FERMT1: variants seen among roughly 807,000 people sequenced by gnomAD.
FERMT1 encodes the protein fermitin family homolog 1.
In FERMT1, 60 loss-of-function variants were observed where a neutral mutation model predicts 85.3. That is an observed-to-expected ratio of 0.70 (90% CI 0.57 to 0.87). The LOEUF is 0.87. Among genes scored for constraint, FERMT1 ranks in the 40% least tolerant of loss-of-function variants. FERMT1 has a pLI of 0.00. For missense variants in FERMT1, 701 were observed against 818.9 expected (o/e 0.86, Z 1.76); for synonymous variants, 275 against 301.1 (o/e 0.91, Z 0.90).
At chr20:6,118,662 G>T (rs901285119) in intron 2 of FERMT1, among the ~76,000 whole-genome samples, 1 of 152,224 alleles carries the variant, frequency 6.6e-6, no homozygotes, top group African/African-American at 2.4e-5. Flanking sequence ...TAAATTCTAG[G>T]TTGATAATGT....
intron 4 of FERMT1, among the ~76,000 whole-genome samples, chr20:6,111,868 CTTT>C (rs11338566): frequency 3.5e-5 from 5 of 142,694 alleles, no homozygotes; most frequent in Non-Finnish European, 3.1e-5. Context: ...TTTTTCTTTT[CTTT>C]TTTTTTTTTT....
At chr20:6,109,934 C>A (rs1982899882) in intron 5 of FERMT1, among the ~76,000 whole-genome samples, 1 of 150,244 alleles carries the variant, frequency 6.7e-6, no homozygotes, top group Non-Finnish European at 1.5e-5. Flanking sequence ...GAGTGACATT[C>A]TACAAAAGAC....
intron 8 of FERMT1, 36 bp from the exon 9 acceptor site, chr20:6,095,024 C>A (rs186734728): frequency 1.5e-5 from 18 of 1,213,650 alleles, no homozygotes; most frequent in Admixed American, 5.0e-5. Context: ...AAAGCAGGAA[C>A]TTCATAAGTG....
At chr20:6,110,191 A>G in intron 5 of FERMT1, 107 bp downstream of exon 5, 3 of 989,384 alleles carry the variant, frequency 3.0e-6, no homozygotes, top group Non-Finnish European at 4.7e-6. Flanking sequence ...ACTTTTGCAA[A>G]TAAAGCACAA....
chr20:6,098,211 AATAG>A (rs1311418397), intron 6 of FERMT1, among the ~76,000 whole-genome samples: 10 of 152,234 alleles, frequency 6.6e-5, no homozygotes, highest in Admixed American at 3.9e-4. Context: ...TATTGGTAGT[AATAG>A]ATAGTAAAAA....
At chr20:6,096,782 C>A in intron 8 of FERMT1, 120 bp downstream of exon 8, 1 of 533,694 alleles carries the variant, frequency 1.9e-6, no homozygotes, top group Non-Finnish European at 3.1e-6. Context: ...TGAAGAGCAT[C>A]TTTTTTTTTT....
chr20:6,098,418 C>G (rs1047024410), intron 6 of FERMT1, among the ~76,000 whole-genome samples: 27 of 151,990 alleles, frequency 1.8e-4, no homozygotes, highest in Admixed American at 9.2e-4. Flanking sequence ...TGAAAAAGAA[C>G]AATGTTGAGT....
At chr20:6,082,024 G>T (rs1982010989) in intron 13 of FERMT1, among the ~76,000 whole-genome samples, 1 of 152,050 alleles carries the variant, frequency 6.6e-6, no homozygotes, top group Non-Finnish European at 1.5e-5. Flanking sequence ...TAGGTCTCTC[G>T]GGTGTGGGCA....
Position 6,112,637 on chromosome 20 carries a change from T to G in FERMT1, c.386-14A>C. On this transcript the variant is annotated splice_polypyrimidine_tract_variant and intron_variant, in intron 3 of 14. Coordinates refer to ENST00000217289, the MANE Select transcript of FERMT1 (RefSeq NM_017671.5). ...ATCTTCTAATATCTAGAAATAAATA[T>G]TTTTTAAAAATGAAGAAAAAGTAAA... is the stretch of plus-strand genomic sequence containing the variant. 4 of 1,497,838 alleles carry G rather than the reference T, an allele frequency of 2.7e-6. No homozygotes were observed. Among genetic ancestry groups the G allele is most frequent in the Non-Finnish European group, 3.6e-6 (4 of 1,111,246 alleles). 92.8% of individuals were successfully genotyped at this position (1,497,838 alleles called of 1,614,324 possible). A position where few individuals can be genotyped will look rare whatever the true frequency, so the allele number is the denominator to read the frequency against.
rs550252614 is a variant in FERMT1, at chr20:6,094,788, C to G, written c.1139+151G>C. On this transcript the variant is annotated intron_variant, in intron 9 of 14. Transcript: ENST00000217289. ...CTAGCTGGTGTGTGTGGTAGAGCTA[C>G]GACTCAACCCATTGTTTGTCTGATG... 25 of 662,966 alleles carry G rather than the reference C, an allele frequency of 3.8e-5. No homozygotes were observed. The South Asian group carries it at 4.0e-4, about 11-fold the overall frequency. 41.1% of individuals were successfully genotyped at this position (662,966 alleles called of 1,614,324 possible).
At position 6,109,421 on chromosome 20, in the gene FERMT1, T is replaced by TG. The variant is rs1982884713; in HGVS notation, c.746+876dup. ...CAGGCGGCACGGGGCCATGGGAGCA[T>TG]GGGAGGACACGGAGACACCTGTTGG... On this transcript the variant is annotated intron_variant, in intron 5 of 14. Coordinates refer to ENST00000217289, the MANE Select transcript of FERMT1 (RefSeq NM_017671.5). 2.0e-5 allele frequency among the ~76,000 whole-genome samples: 3 copies of TG among 152,150 alleles called. No homozygotes were observed. The South Asian group carries it at 6.2e-4, about 32-fold the overall frequency.
Position 6,115,903 on chromosome 20 carries a change from C to A in FERMT1, c.293G>T (p.Arg98Leu), listed in dbSNP as rs137862671. The change falls in exon 3 of 15, where the codon CGC (arginine) becomes CTC (leucine). Residue 98 changes from arginine (R) to leucine (L), a missense_variant. Coordinates refer to ENST00000217289, the MANE Select transcript of FERMT1 (RefSeq NM_017671.5). Reference sequence around the variant, plus strand: ...CATCTTCAAATTCGGCAGACGAAGGCGCAGCATTTTATGCTGAGGGGTGAA... The same window carrying A: ...CATCTTCAAATTCGGCAGACGAAGGAGCAGCATTTTATGCTGAGGGGTGAA... ...LLFTPQHKMLRLRLPNLKMVR... is the reference protein window; with the variant it reads ...LLFTPQHKMLLLRLPNLKMVR... The A allele has an allele frequency of 6.2e-7, 1 of 1,614,142 alleles. No individual in the cohort carries two copies. Among genetic ancestry groups the A allele is most frequent in the African/African-American group, 1.3e-5 (1 of 75,026 alleles).
Position 6,095,087 on chromosome 20 carries a change from C to T in FERMT1, c.1090-99G>A, listed in dbSNP as rs541055191. 84 of 726,568 alleles carry T rather than the reference C, an allele frequency of 1.2e-4. No homozygotes were observed. In the South Asian group the frequency reaches 1.2e-3, roughly 11 times the overall value. The allele number at this position is 726,568 out of a possible 1,614,324, so 45.0% of individuals were successfully genotyped here. The stretch of plus-strand genomic sequence containing the variant: ...ATATGGCAGTCCCTTGCTATATGTG[C>T]CTATTTAAATTTGAATTAATTCAAA... On this transcript the variant is annotated intron_variant, in intron 8 of 14. Transcript: ENST00000217289.
At chr20:6,103,201 A>G (rs2123128565) in intron 6 of FERMT1, among the ~76,000 whole-genome samples, 1 of 152,318 alleles carries the variant, frequency 6.6e-6, no homozygotes, top group East Asian at 1.9e-4. Flanking sequence ...TAGTTTCTCT[A>G]TGGGCTGTTT....
At chr20:6,084,271 C>A in intron 12 of FERMT1, 107 bp from the exon 13 acceptor site, 1 of 1,233,390 alleles carries the variant, frequency 8.1e-7, no homozygotes, top group Non-Finnish European at 1.2e-6. Flanking sequence ...GGTCCGTCTG[C>A]AGCTCTACAA....
Position 6,107,575 on chromosome 20 carries a change from A to T in FERMT1, c.806T>A (p.Leu269His). The T allele has an allele frequency of 6.8e-6, 11 of 1,613,290 alleles. No homozygotes were observed. The highest frequency in any genetic ancestry group is 9.3e-6 in the Non-Finnish European group (11 of 1,179,362). ...GAAAGAATAATATTTAAATCGTAAG[A>T]GCAGCTGCTCATCCTCTTGGATGCC... is the stretch of plus-strand genomic sequence containing the variant. Reference protein sequence around the residue: ...EQGIQEDEQLLLRFKYYSFFD... With the variant: ...EQGIQEDEQLHLRFKYYSFFD... Residue 269 changes from leucine to histidine, a missense_variant, in exon 6 of 15, where the codon CTC becomes CAC. Physicochemically the swap from Leu to His is moderately conservative, Grantham distance 99. Transcript: ENST00000217289.
At position 6,091,285 on chromosome 20, in the gene FERMT1, A is replaced by G. The variant is rs1208864621; in HGVS notation, c.1140-2196T>C. On this transcript the variant is annotated intron_variant, in intron 9 of 14. Transcript: ENST00000217289. ...TGCTCTGTCACCCAGGCTGGAGTGC[A>G]GTGGCGCAATCTTGTCTCACTGCAG... Among the ~76,000 whole-genome samples, 4 of 151,776 alleles carry G rather than the reference A, an allele frequency of 2.6e-5. No individual in the cohort carries two copies. The East Asian group carries it at 5.9e-4, about 22-fold the overall frequency.
intron 14 of FERMT1, among the ~76,000 whole-genome samples, chr20:6,078,654 T>G (rs1335925117): frequency 1.9e-4 from 29 of 150,984 alleles, no homozygotes; most frequent in African/African-American, 6.6e-4. Context: ...TTGTTTTTTT[T>G]TTTTTTAATT....
rs746394339 is a variant in FERMT1 at position 6,079,457 on chromosome 20, A to G, written c.1839T>C (p.Asn613=). 6 of 1,614,076 alleles carry G rather than the reference A, an allele frequency of 3.7e-6. No homozygotes were observed. The highest frequency in any genetic ancestry group is 5.1e-6 in the Non-Finnish European group (6 of 1,180,048). ...TTACCTGCCGGGTTTCCCAGTTTAC[A>G]TTCCACTGTTTGATATTTGTGAATC... ...TWRFTNIKQW[N]VNWETRQVVI... The change falls in exon 14 of 15, where the codon AAT becomes AAC. Residue 613 remains asparagine (N), a synonymous_variant. Transcript: ENST00000217289.
Sources: gnomAD v4.1 joint callset for allele counts (sites outside exome capture counted in the v4.1 genomes callset) on GRCh38, gnomAD v4.1.1 for gene constraint, MANE v1.5 for transcripts, NCBI Gene and HGNC (gene_info 2026-07-23, HGNC 2026-07-21) for gene names.